Variants in NECAB2 observed in about 807,000 individuals in gnomAD.
NECAB2 encodes the protein N-terminal EF-hand calcium-binding protein 2.
In NECAB2, 68 loss-of-function variants were observed where a neutral mutation model predicts 51.9. That is an observed-to-expected ratio of 1.31 (90% CI 1.08 to 1.60). The LOEUF (loss-of-function observed/expected upper bound fraction) is 1.60. Among genes scored for constraint, NECAB2 ranks in the 40% most tolerant of loss-of-function variants. The probability of loss-of-function intolerance (pLI) is 0.00; values close to 1 mark genes in which losing one functional copy is unlikely to be tolerated. For missense variants in NECAB2, 854 were observed against 490.3 expected, an observed-to-expected ratio of 1.74 and a Z score of -7.00; for synonymous variants, 329 against 203.5, an observed-to-expected ratio of 1.62 and a Z score of -5.25.
intron 2 of NECAB2, among the ~76,000 whole-genome samples, chr16:83,977,936 C>T (rs1252717569): frequency 3.3e-5 from 5 of 152,198 alleles, no homozygotes; most frequent in Non-Finnish European, 7.3e-5. Flanking sequence ...AGTGGTGGCT[C>T]ATCCAGCTGC....
chr16:84,000,143 C>T (rs894771003), intron 10 of NECAB2, among the ~76,000 whole-genome samples: 29 of 152,092 alleles, frequency 1.9e-4, no homozygotes, highest in African/African-American at 5.6e-4. Flanking sequence ...CCACCTGCCT[C>T]GACCCCTCAA....
intron 6 of NECAB2, chr16:83,993,377 A>C (rs2084650897): frequency 6.6e-6 from 1 of 152,352 alleles, no homozygotes; most frequent in African/African-American, 2.4e-5. Context: ...CGCAAGGGGG[A>C]GAGCCTGGCG....
chr16:83,984,831 A>C (rs1014248560), intron 5 of NECAB2, among the ~76,000 whole-genome samples: 1 of 152,208 alleles, frequency 6.6e-6, no homozygotes, highest in African/African-American at 2.4e-5. Context: ...GCCTGTTTTA[A>C]TTAGCTGTTT....
intron 5 of NECAB2, among the ~76,000 whole-genome samples, chr16:83,988,708 G>C (rs557513128): frequency 1.3e-5 from 2 of 152,118 alleles, no homozygotes; most frequent in Non-Finnish European, 2.9e-5. Flanking sequence ...AAATTTGCAG[G>C]TTTCTGGAGA....
At chr16:83,983,728 A>G (rs1449327695) in intron 5 of NECAB2, among the ~76,000 whole-genome samples, 3 of 152,210 alleles carry the variant, frequency 2.0e-5, no homozygotes, top group South Asian at 2.1e-4. Context: ...GTCATGAGCC[A>G]AGAATTTTAT....
At chr16:83,970,640 C>T (rs538322339) in intron 1 of NECAB2, among the ~76,000 whole-genome samples, 87 of 152,320 alleles carry the variant, frequency 5.7e-4, no homozygotes, top group African/African-American at 1.8e-3. Flanking sequence ...ATTACCTCCT[C>T]CTCCTCCATG....
chr16:83,970,835 G>A (rs1453431893), intron 1 of NECAB2, among the ~76,000 whole-genome samples: 1 of 152,222 alleles, frequency 6.6e-6, no homozygotes, highest in Non-Finnish European at 1.5e-5. Context: ...GCTCACGCCT[G>A]TAATCCCAGC....
At chr16:83,965,206 T>G, upstream of NECAB2, 1 of 1,613,104 alleles carries the variant, frequency 6.2e-7, no homozygotes, top group Non-Finnish European at 8.5e-7. Context: ...CCAGCAGCTG[T>G]GGGGCCCAGG....
Position 83,970,002 on chromosome 16 carries a change from C to T in NECAB2, c.201+1153C>T, listed in dbSNP as rs367691634. Among the ~76,000 whole-genome samples the T allele has an allele frequency of 2.6e-4, 39 of 152,302 alleles. No homozygotes were observed. In the East Asian group the frequency reaches 3.7e-3, roughly 14 times the overall value. On this transcript the variant is annotated intron_variant, in intron 1 of 12. Coordinates refer to ENST00000305202, the MANE Select transcript of NECAB2 (RefSeq NM_019065.3). ...TCGCAGGCACACATTCACACACTCA[C>T]GCACTCGCTTACGCACGCACACACA...
intron 2 of NECAB2, among the ~76,000 whole-genome samples, chr16:83,973,241 C>T (rs1311085626): frequency 6.6e-6 from 1 of 152,264 alleles, no homozygotes; most frequent in Non-Finnish European, 1.5e-5. Flanking sequence ...CCTGCACAAG[C>T]TGCAGTTGAG....
chr16:83,976,113 T>C (rs933642765), intron 2 of NECAB2, among the ~76,000 whole-genome samples: 7 of 152,062 alleles, frequency 4.6e-5, no homozygotes, highest in Non-Finnish European at 7.4e-5. Flanking sequence ...CGTGGGGAGA[T>C]GAGCCAGCCA....
chr16:84,001,825 G>C lies in NECAB2; in HGVS notation c.1041G>C (p.Arg347Ser). ...EFWETEEAWK[R>S]HLQSPLCKAF... Reference sequence around the variant, plus strand: ...ACTCACACATGTCCCTGCGTCACAGGCACCTGCAGAGCCCCCTGTGTAAGG... The same window carrying C: ...ACTCACACATGTCCCTGCGTCACAGCCACCTGCAGAGCCCCCTGTGTAAGG... Residue 347 changes from arginine to serine, a missense_variant and splice_region_variant, in exon 12 of 13, where the codon AGG (arginine) becomes AGC (serine). Arg to Ser is a moderately radical substitution (Grantham distance 110). Coordinates refer to ENST00000305202, the MANE Select transcript of NECAB2 (RefSeq NM_019065.3). 1.2e-6 allele frequency: 2 copies of C among 1,614,002 alleles called. No homozygotes were observed. Among genetic ancestry groups the C allele is most frequent in the African/African-American group, 1.3e-5 (1 of 75,040 alleles).
At position 83,984,330 on chromosome 16, in the gene NECAB2, G is replaced by T. The variant is rs115458503; in HGVS notation, c.459+3203G>T. 7.2e-3 allele frequency among the ~76,000 whole-genome samples: 1,091 copies of T among 151,988 alleles called. 17 individuals are homozygous for T. Among genetic ancestry groups the T allele is most frequent in the African/African-American group, 0.025 (1,040 of 41,448 alleles). ...AAACAAAACTGCCCTGGGCATAGTC[G>T]TTTTTACAATCAGTCATGCATGGAA... On this transcript the variant is annotated intron_variant, in intron 5 of 12. Transcript: ENST00000305202.
At chr16:83,989,063 C>G (rs1451131883) in intron 5 of NECAB2, among the ~76,000 whole-genome samples, 1 of 152,220 alleles carries the variant, frequency 6.6e-6, no homozygotes, top group Non-Finnish European at 1.5e-5. Flanking sequence ...GGTCCGGGTG[C>G]TTTTAACACA....
chr16:84,000,943 T>C, intron 11 of NECAB2, 142 bp downstream of exon 11: 1 of 774,388 alleles, frequency 1.3e-6, no homozygotes, highest in Non-Finnish European at 2.1e-6. Context: ...GCTGGCATGC[T>C]TGCGTCAGTA....
At position 83,990,520 on chromosome 16, in the gene NECAB2, C is replaced by A; in HGVS notation, c.486C>A (p.Asp162Glu). 6.2e-7 allele frequency: 1 copy of A among 1,614,122 alleles called. No homozygotes were observed. Among genetic ancestry groups the A allele is most frequent in the African/African-American group, 1.3e-5 (1 of 75,022 alleles). ...TATATGAGGGTGGGAGCAACGTGGA[C>A]CAGTTTGTGACCCGCTTCCTCCTGA... The part of the protein sequence containing the change: ...KKVYEGGSNV[D>E]QFVTRFLLKE... The change falls in exon 6 of 13, where the codon GAC becomes GAA. Residue 162 changes from aspartate to glutamate, a missense_variant. Asp to Glu is a conservative substitution (Grantham distance 45). Coordinates refer to ENST00000305202, the MANE Select transcript of NECAB2 (RefSeq NM_019065.3).
chr16:83,999,601 T>C (rs1256031876), intron 10 of NECAB2, among the ~76,000 whole-genome samples: 1 of 152,084 alleles, frequency 6.6e-6, no homozygotes, highest in Non-Finnish European at 1.5e-5. Flanking sequence ...GCCCCCGCTT[T>C]ATGGTCACTT....
chr16:83,966,050 A>G, upstream of NECAB2: 1 of 1,384,122 alleles, frequency 7.2e-7, no homozygotes, highest in Non-Finnish European at 9.6e-7. Context: ...GAGAGGACAG[A>G]GATGACCACA....
intron 2 of NECAB2, among the ~76,000 whole-genome samples, chr16:83,973,586 TGAG>T (rs1352948262): frequency 1.3e-5 from 2 of 151,830 alleles, no homozygotes; most frequent in Non-Finnish European, 2.9e-5. Flanking sequence ...GCCTTGGAGA[TGAG>T]GAGGGGAAAT....
Sources: allele counts gnomAD v4.1 joint callset (sites outside exome capture counted in the v4.1 genomes callset), GRCh38; gene constraint gnomAD v4.1.1; transcripts MANE v1.5; gene names NCBI Gene and HGNC (gene_info 2026-07-23, HGNC 2026-07-21).